Variants in MSI2 observed in about 807,000 individuals in gnomAD.
The protein encoded by MSI2 is RNA-binding protein Musashi homolog 2.
A neutral mutation model predicts 45.6 loss-of-function variants in MSI2; 17 were observed. The ratio of observed to expected loss-of-function variants is 0.37; its 90% CI spans 0.26 to 0.56. MSI2 has a LOEUF of 0.56. Among genes scored for constraint, MSI2 ranks in the 20% least tolerant of loss-of-function variants. The pLI, the probability that MSI2 is intolerant of heterozygous loss-of-function variation, is 0.77. For missense variants in MSI2, 293 were observed against 444.2 expected, an observed-to-expected ratio of 0.66 and a Z score of 3.06; for synonymous variants, 156 against 158.2, an observed-to-expected ratio of 0.99 and a Z score of 0.11.
rs531933251 is a variant in MSI2, at chr17:57,684,661, A to G, written c.*5144A>G. 1.9e-5 allele frequency: 3 copies of G among 157,056 alleles called. 1 individual carries two copies. In the South Asian group the frequency reaches 6.2e-4, roughly 32 times the overall value. The allele number at this position is 157,056 out of a possible 1,614,324, so 9.7% of individuals were successfully genotyped here. The stretch of plus-strand genomic sequence containing the variant: ...ATGTGTTTGTCTGACAAAAAAAAAA[A>G]TAAAATAAAATAAACTGTTTTGAAC... On this transcript the variant is annotated 3_prime_UTR_variant, in exon 14 of 14. Transcript: ENST00000284073.
chr17:57,540,072 CA>C (rs111912231), intron 7 of MSI2, among the ~76,000 whole-genome samples: 3 of 152,328 alleles, frequency 2.0e-5, no homozygotes, highest in African/African-American at 7.2e-5. Flanking sequence ...CTTTCCAGAG[CA>C]ACCACTAATC....
At chr17:57,464,576 T>C (rs2085295814) in intron 6 of MSI2, among the ~76,000 whole-genome samples, 1 of 152,128 alleles carries the variant, frequency 6.6e-6, no homozygotes, top group African/African-American at 2.4e-5. Flanking sequence ...TCTCTGAGGA[T>C]GGCTGCAAGC....
chr17:57,602,754 C>CCTTGT (rs1425725080), intron 8 of MSI2, among the ~76,000 whole-genome samples: 2 of 152,132 alleles, frequency 1.3e-5, no homozygotes, highest in Non-Finnish European at 2.9e-5. Flanking sequence ...TTTGGTTGTC[C>CCTTGT]CTTGTCTTGG....
At position 57,680,962 on chromosome 17, in the gene MSI2, A is replaced by G. The variant is rs2144767276; in HGVS notation, c.*1445A>G. Reference sequence around the variant, plus strand: ...GCATTAATACAACCTTTCTCCATTCACTTTCTATTTACAAATTAGGAAAGC... The same window carrying G: ...GCATTAATACAACCTTTCTCCATTCGCTTTCTATTTACAAATTAGGAAAGC... On this transcript the variant is annotated 3_prime_UTR_variant, in exon 14 of 14. Transcript: ENST00000284073. The G allele has an allele frequency of 5.2e-6, 1 of 193,656 alleles. No individual in the cohort carries two copies. Among genetic ancestry groups the G allele is most frequent in the African/African-American group, 2.3e-5 (1 of 43,070 alleles). 12.0% of individuals were successfully genotyped at this position (193,656 alleles called of 1,614,324 possible).
At position 57,636,830 on chromosome 17, in the gene MSI2, C is replaced by T. The variant is rs1016111049; in HGVS notation, c.727+9527C>T. On this transcript the variant is annotated intron_variant, in intron 10 of 13. Coordinates refer to ENST00000284073, the MANE Select transcript of MSI2 (RefSeq NM_138962.4). ...GGCTTCCAGAATGGAGCCCAACCAG[C>T]GAGCAATGGCTGGTTTCTTGCTAGT... 3.9e-5 allele frequency among the ~76,000 whole-genome samples: 6 copies of T among 152,332 alleles called. No homozygotes were observed. In the East Asian group the frequency reaches 5.8e-4, roughly 15 times the overall value.
At chr17:57,293,171 GCCAC>G (rs1008289136) in intron 5 of MSI2, among the ~76,000 whole-genome samples, 1 of 152,082 alleles carries the variant, frequency 6.6e-6, no homozygotes, top group Admixed American at 6.5e-5. Flanking sequence ...GGTTTTCAGA[GCCAC>G]CCCTGGGTGA....
intron 6 of MSI2, among the ~76,000 whole-genome samples, chr17:57,422,892 C>T (rs1254154371): frequency 6.6e-6 from 1 of 152,180 alleles, no homozygotes; most frequent in Non-Finnish European, 1.5e-5. Flanking sequence ...GCTGTGGATG[C>T]ATCATTGGTG....
At chr17:57,639,712 G>A (rs1014950698) in intron 10 of MSI2, among the ~76,000 whole-genome samples, 7 of 152,242 alleles carry the variant, frequency 4.6e-5, no homozygotes, top group Admixed American at 4.6e-4. Flanking sequence ...GGCACGCCTG[G>A]TTTTGCAGGG....
chr17:57,649,812 A>G (rs1380376081), intron 10 of MSI2, among the ~76,000 whole-genome samples: 1 of 152,210 alleles, frequency 6.6e-6, no homozygotes, highest in Non-Finnish European at 1.5e-5. Context: ...TGCTGGTGCA[A>G]GCTCCATCCC....
intron 5 of MSI2, among the ~76,000 whole-genome samples, chr17:57,379,137 A>G (rs1446804409): frequency 1.3e-5 from 2 of 148,420 alleles, no homozygotes; most frequent in Admixed American, 1.4e-4. Context: ...TCAGGAACAA[A>G]ACCCTGACAT....
chr17:57,467,352 T>C (rs1468296365), intron 6 of MSI2, among the ~76,000 whole-genome samples: 5 of 151,872 alleles, frequency 3.3e-5, no homozygotes, highest in African/African-American at 4.8e-5. Flanking sequence ...GAAGTGTGAA[T>C]GGATGAATAA....
intron 6 of MSI2, among the ~76,000 whole-genome samples, chr17:57,512,516 G>C (rs1319761829): frequency 6.6e-6 from 1 of 152,206 alleles, no homozygotes; most frequent in Non-Finnish European, 1.5e-5. Flanking sequence ...GGTCCTCACT[G>C]GAATAGAGGT....
chr17:57,690,307 C>T, the MSI2 span, among the ~76,000 whole-genome samples: 6 of 152,052 alleles, frequency 3.9e-5, no homozygotes, highest in Non-Finnish European at 7.4e-5. Flanking sequence ...TCAAATCTTT[C>T]GCCCAAATTT....
chr17:57,317,364 T>TA (rs1428729862), intron 5 of MSI2, among the ~76,000 whole-genome samples: 1 of 152,120 alleles, frequency 6.6e-6, no homozygotes, highest in African/African-American at 2.4e-5. Flanking sequence ...CTGGGAAAAT[T>TA]TTAACCCCAT....
intron 7 of MSI2, among the ~76,000 whole-genome samples, chr17:57,590,286 T>C (rs968590854): frequency 6.6e-6 from 1 of 152,224 alleles, no homozygotes; most frequent in South Asian, 2.1e-4. Flanking sequence ...AGGAGGAGGC[T>C]GTTCCCATCT....
intron 10 of MSI2, chr17:57,632,864 G>T: frequency 9.4e-7 from 1 of 1,063,600 alleles, no homozygotes; most frequent in Non-Finnish European, 1.1e-6. Context: ...GACCCTACAT[G>T]TGCAGTTTGG....
chr17:57,382,218 C>T (rs2083609540), intron 5 of MSI2, among the ~76,000 whole-genome samples: 1 of 152,120 alleles, frequency 6.6e-6, no homozygotes, highest in African/African-American at 2.4e-5. Flanking sequence ...ACAAAACAGA[C>T]AAAATTCCTG....
At chr17:57,556,038 T>G (rs1015458809) in intron 7 of MSI2, among the ~76,000 whole-genome samples, 3 of 152,238 alleles carry the variant, frequency 2.0e-5, no homozygotes. Flanking sequence ...TTTTGTTGCT[T>G]GTAAATTTCT....
At position 57,682,838 on chromosome 17, in the gene MSI2, G is replaced by A. The variant is rs764020766; in HGVS notation, c.*3321G>A. 8.9e-5 allele frequency: 20 copies of A among 223,888 alleles called. No homozygotes were observed. The highest frequency in any genetic ancestry group is 1.5e-4 in the Non-Finnish European group (17 of 112,428). The allele number at this position is 223,888 out of a possible 1,614,324, so 13.9% of individuals were successfully genotyped here. ...CCAGATCCATCTGCCTGAGACCCCC[G>A]AACTCCTCTCCTCCCAAGCAGAGGC... On this transcript the variant is annotated 3_prime_UTR_variant, in exon 14 of 14. Transcript: ENST00000284073.
Sources: allele counts gnomAD v4.1 joint callset (sites outside exome capture counted in the v4.1 genomes callset), GRCh38; gene constraint gnomAD v4.1.1; transcripts MANE v1.5; gene names NCBI Gene and HGNC (gene_info 2026-07-23, HGNC 2026-07-21).